Variants in IFT52 observed in about 807,000 individuals in gnomAD.
IFT52 encodes intraflagellar transport protein 52 homolog.
Under a neutral mutation model 54.4 loss-of-function variants are expected in IFT52, and 44 were observed. The observed-to-expected ratio is 0.81, with a 90% confidence interval of 0.63 to 1.04. The LOEUF (loss-of-function observed/expected upper bound fraction) is 1.04. Ranked by LOEUF, IFT52 falls within the 50% of genes least tolerant of loss-of-function variation. The probability of loss-of-function intolerance (pLI) is 0.00; values close to 1 mark genes in which losing one functional copy is unlikely to be tolerated. For synonymous variants in IFT52, 181 were observed against 185.3 expected (o/e 0.98, Z 0.19); for missense variants, 452 against 523.6 (o/e 0.86, Z 1.33).
chr20:43,641,030 CAAAAAAAAAAAA>C (rs10523117), intron 12 of IFT52, among the ~76,000 whole-genome samples: 1 of 90,376 alleles, frequency 1.1e-5, no homozygotes, highest in Non-Finnish European at 2.1e-5. Flanking sequence ...AACCTTGTCT[CAAAAAAAAAAAA>C]AAAAAAAAAA....
At chr20:43,609,499 C>T (rs1004107001) in intron 6 of IFT52, among the ~76,000 whole-genome samples, 7 of 152,048 alleles carry the variant, frequency 4.6e-5, no homozygotes, top group African/African-American at 9.7e-5. Context: ...ATGCCGGACG[C>T]GGTGGCTCAC....
rs546530626 is a variant in IFT52, at chr20:43,610,459, C to T, written c.486-3391C>T. On this transcript the variant is annotated intron_variant, in intron 6 of 13. Coordinates refer to ENST00000373030, the MANE Select transcript of IFT52 (RefSeq NM_016004.5). ...CTGTCAAGAATCAATCTAGGCTGGG[C>T]GCAGTGACTCACGCCTGTAATTCCA... 6.6e-5 allele frequency among the ~76,000 whole-genome samples: 10 copies of T among 152,002 alleles called. No individual in the cohort carries two copies. The East Asian group carries it at 1.7e-3, about 27-fold the overall frequency.
At chr20:43,632,699 T>C (rs1416977940) in intron 10 of IFT52, among the ~76,000 whole-genome samples, 1 of 151,862 alleles carries the variant, frequency 6.6e-6, no homozygotes, top group East Asian at 1.9e-4. Flanking sequence ...TGGTACATAG[T>C]GGATATTCAG....
At chr20:43,596,638 C>A in intron 3 of IFT52, 116 bp downstream of exon 3, 1 of 653,870 alleles carries the variant, frequency 1.5e-6, no homozygotes, top group Non-Finnish European at 2.7e-6. Flanking sequence ...GTAGTCACTT[C>A]ATCTCTCTTT....
chr20:43,639,529 G>C (rs979976530), intron 12 of IFT52, among the ~76,000 whole-genome samples: 1 of 152,218 alleles, frequency 6.6e-6, no homozygotes, highest in Admixed American at 6.5e-5. Flanking sequence ...AATTAGCTGG[G>C]TGTGGTGGCG....
intron 6 of IFT52, among the ~76,000 whole-genome samples, chr20:43,611,412 TTTATAC>T (rs1983435840): frequency 1.3e-5 from 2 of 150,410 alleles, no homozygotes; most frequent in Admixed American, 1.3e-4. Flanking sequence ...GGTGTTTAAG[TTTATAC>T]TTAGTCTTAT....
At chr20:43,592,218 A>G (rs1443822034) in intron 1 of IFT52, among the ~76,000 whole-genome samples, 1 of 152,058 alleles carries the variant, frequency 6.6e-6, no homozygotes, top group Non-Finnish European at 1.5e-5. Context: ...AATCCCAGCT[A>G]CTGGGGAGGC....
intron 9 of IFT52, among the ~76,000 whole-genome samples, chr20:43,621,255 A>T (rs980827951): frequency 1.3e-5 from 2 of 152,206 alleles, no homozygotes; most frequent in African/African-American, 4.8e-5. Context: ...AAATTTTCTC[A>T]TAAAGAAACA....
intron 6 of IFT52, among the ~76,000 whole-genome samples, chr20:43,609,796 A>C (rs1164874971): frequency 6.6e-6 from 1 of 150,402 alleles, no homozygotes; most frequent in East Asian, 1.9e-4. Flanking sequence ...AAAAAAAAAA[A>C]AAATTAGCCT....
Position 43,637,329 on chromosome 20 carries a change from C to G in IFT52, c.1120+76C>G, listed in dbSNP as rs997918830. The G allele has an allele frequency of 4.4e-6, 3 of 689,520 alleles. No homozygotes were observed. The African/African-American group carries it at 5.6e-5, about 13-fold the overall frequency. The allele number at this position is 689,520 out of a possible 1,614,324, so 42.7% of individuals were successfully genotyped here. On this transcript the variant is annotated intron_variant, in intron 12 of 13. Transcript: ENST00000373030. ...CCAGGCTGGAGTGCAATGGTGCGAT[C>G]TCGGCTCACTGCAACCTCTGTCTCC...
In IFT52 at chr20:43,635,873, G is replaced by A. The variant is rs118066613; in HGVS notation, c.924-53G>A. ...AACAACACAGTGTGGTCAGTTAGACGTGCTGAGCTATAGTGTCTTGATCCC... is the reference window on the plus strand; with the variant it reads ...AACAACACAGTGTGGTCAGTTAGACATGCTGAGCTATAGTGTCTTGATCCC... On this transcript the variant is annotated intron_variant, in intron 10 of 13. Transcript: ENST00000373030. 1,927 of 1,503,388 alleles carry A rather than the reference G, an allele frequency of 1.3e-3. 45 individuals are homozygous for A. The East Asian group carries it at 0.035, about 27-fold the overall frequency. The allele number at this position is 1,503,388 out of a possible 1,614,324, so 93.1% of individuals were successfully genotyped here. A position where few individuals can be genotyped will look rare whatever the true frequency, so the allele number is the denominator to read the frequency against.
chr20:43,603,649 T>A (rs1982624934), intron 3 of IFT52, 111 bp from the exon 4 acceptor site: 1 of 941,654 alleles, frequency 1.1e-6, no homozygotes, highest in Admixed American at 2.4e-5. Context: ...TATATGTAAA[T>A]GCCTTATAGA....
In IFT52 at chr20:43,627,922, G is replaced by GTTTTT. The variant is rs554920528; in HGVS notation, c.923+3896_923+3900dup. On this transcript the variant is annotated intron_variant, in intron 10 of 13. Transcript: ENST00000373030. ...ATATATATAGAGAGAGAGAGAGAGA[G>GTTTTT]TTTTTTTTTTTTTTTTTTTTTTTGA... 1.5e-3 allele frequency among the ~76,000 whole-genome samples: 86 copies of GTTTTT among 56,088 alleles called. 2 individuals are homozygous for GTTTTT. Among genetic ancestry groups the GTTTTT allele is most frequent in the Middle Eastern group, 0.023 (1 of 44 alleles). The allele number at this position is 56,088 out of a possible 152,430, so 36.8% of individuals were successfully genotyped here.
chr20:43,628,229 C>G (rs1032225466), intron 10 of IFT52, among the ~76,000 whole-genome samples: 15 of 152,016 alleles, frequency 9.9e-5, no homozygotes, highest in Non-Finnish European at 2.1e-4. Flanking sequence ...ACGCCCAGCC[C>G]AGTCTTAGCT....
intron 3 of IFT52, among the ~76,000 whole-genome samples, chr20:43,600,218 GATGTATTGGCA>G (rs1326847876): frequency 1.3e-5 from 2 of 152,094 alleles, no homozygotes; most frequent in Non-Finnish European, 2.9e-5. Context: ...TGGTGGAAGT[GATGTATTGGCA>G]ATTCAAATCA....
At chr20:43,646,903 T>C (rs1255451433) in intron 13 of IFT52, 33 bp from the exon 14 acceptor site, 1 of 1,573,390 alleles carries the variant, frequency 6.4e-7, no homozygotes, top group African/African-American at 1.3e-5. Context: ...TATACTGAAA[T>C]ACTAAAATTC....
At chr20:43,616,155 C>T (rs1267056133) in intron 7 of IFT52, among the ~76,000 whole-genome samples, 3 of 151,920 alleles carry the variant, frequency 2.0e-5, no homozygotes, top group Admixed American at 6.6e-5. Context: ...CTAAAAAAAC[C>T]GATTTCATTT....
chr20:43,609,051 CA>C (rs1983207884), intron 6 of IFT52, among the ~76,000 whole-genome samples: 1 of 150,690 alleles, frequency 6.6e-6, no homozygotes, highest in Non-Finnish European at 1.5e-5. Flanking sequence ...GTCTGGGCAA[CA>C]TAGTGGGACC....
chr20:43,608,353 T>C (rs568055826), intron 6 of IFT52, among the ~76,000 whole-genome samples: 1 of 152,226 alleles, frequency 6.6e-6, no homozygotes, highest in Non-Finnish European at 1.5e-5. Context: ...CTTGCCAGCA[T>C]GGAGTATTCT....
Sources: allele counts gnomAD v4.1 joint callset (sites outside exome capture counted in the v4.1 genomes callset), GRCh38; gene constraint gnomAD v4.1.1; transcripts MANE v1.5; gene names NCBI Gene and HGNC (gene_info 2026-07-23, HGNC 2026-07-21).